The following EPHA5 variants were observed in gnomAD, a reference collection of about 807,000 sequenced individuals.
EPHA5 encodes the protein ephrin type-A receptor 5.
Under a neutral mutation model 105.0 loss-of-function variants are expected in EPHA5, and 60 were observed. The observed-to-expected ratio is 0.57, with a 90% CI of 0.46 to 0.71. The LOEUF is 0.71. Among genes scored for constraint, EPHA5 ranks in the 30% least tolerant of loss-of-function variants. EPHA5 has a pLI of 0.00. For synonymous variants in EPHA5, 513 were observed against 449.1 expected, an observed-to-expected ratio of 1.14 and a Z score of -1.80; for missense variants, 1,218 against 1,274.7, an observed-to-expected ratio of 0.96 and a Z score of 0.68.
At chr4:65,612,215 T>G (rs1035489400) in intron 2 of EPHA5, among the ~76,000 whole-genome samples, 3 of 152,084 alleles carry the variant, frequency 2.0e-5, no homozygotes, top group Admixed American at 1.3e-4. Flanking sequence ...AGTGGTGAAG[T>G]CTGGGTCTTT....
intron 8 of EPHA5, among the ~76,000 whole-genome samples, chr4:65,403,874 G>A (rs1029197892): frequency 1.5e-4 from 23 of 152,070 alleles, no homozygotes; most frequent in African/African-American, 4.8e-4. Context: ...AATAAAAGTG[G>A]TCAGTGAAAA....
chr4:65,659,905 A>G (rs1436827213), intron 1 of EPHA5, among the ~76,000 whole-genome samples: 1 of 152,098 alleles, frequency 6.6e-6, no homozygotes, highest in African/African-American at 2.4e-5. Flanking sequence ...AATAGAACAG[A>G]TGAGACATCT....
rs763587410 is a variant in EPHA5, at chr4:65,365,154, C to G, written c.2036G>C (p.Arg679Thr). The G allele has an allele frequency of 4.3e-6, 7 of 1,611,394 alleles. 1 individual carries two copies. In the South Asian group the frequency reaches 7.7e-5, roughly 18 times the overall value. The change falls in exon 11 of 17, where the codon AGA (arginine) becomes ACA (threonine). Residue 679 changes from arginine (R) to threonine (T), a missense_variant. Transcript: ENST00000613740. Reference protein sequence around the residue: ...CSGRLKLPGKRELPVAIKTLK... With the variant: ...CSGRLKLPGKTELPVAIKTLK... ...GGTTTTGATAGCCACAGGTAATTCT[C>G]TTTTTCCTGGTAGTTTCAAACGTCC...
chr4:65,506,010 C>A (rs1732980200), intron 3 of EPHA5, among the ~76,000 whole-genome samples: 1 of 152,106 alleles, frequency 6.6e-6, no homozygotes, highest in South Asian at 2.1e-4. Flanking sequence ...CTCTGCCCAC[C>A]CCATAACAGG....
chr4:65,604,236 T>C (rs1313928098), intron 2 of EPHA5, among the ~76,000 whole-genome samples: 1 of 152,144 alleles, frequency 6.6e-6, no homozygotes, highest in Non-Finnish European at 1.5e-5. Context: ...CCTTTGTCTG[T>C]ACAAAGTCCA....
At chr4:65,357,676 G>A (rs1445001842) in intron 11 of EPHA5, among the ~76,000 whole-genome samples, 1 of 151,290 alleles carries the variant, frequency 6.6e-6, no homozygotes, top group Non-Finnish European at 1.5e-5. Context: ...GTGGGAACAG[G>A]GAAGTGGAGG....
intron 3 of EPHA5, among the ~76,000 whole-genome samples, chr4:65,568,186 T>G (rs1409484163): frequency 1.3e-5 from 2 of 151,468 alleles, no homozygotes; most frequent in African/African-American, 2.4e-5. Flanking sequence ...CAAACAACTT[T>G]TAATTTTTAT....
intron 7 of EPHA5, among the ~76,000 whole-genome samples, chr4:65,409,500 T>C (rs1257727266): frequency 6.6e-6 from 1 of 152,178 alleles, no homozygotes; most frequent in East Asian, 1.9e-4. Context: ...GTCACATTTT[T>C]AACTTCACTT....
At chr4:65,532,582 A>T (rs1370936987) in intron 3 of EPHA5, among the ~76,000 whole-genome samples, 1 of 140,800 alleles carries the variant, frequency 7.1e-6, no homozygotes, top group Non-Finnish European at 1.5e-5. Flanking sequence ...TTCTTTTGAA[A>T]TCATTTATTA....
intron 5 of EPHA5, among the ~76,000 whole-genome samples, chr4:65,478,167 C>A (rs1452803054): frequency 3.9e-5 from 6 of 152,088 alleles, no homozygotes; most frequent in Admixed American, 3.9e-4. Flanking sequence ...TATAGACGGG[C>A]AGCTTTAATT....
At chr4:65,556,050 T>G (rs952584840) in intron 3 of EPHA5, among the ~76,000 whole-genome samples, 1 of 152,180 alleles carries the variant, frequency 6.6e-6, no homozygotes, top group Non-Finnish European at 1.5e-5. Flanking sequence ...GATGAATGTG[T>G]GCAGAATTCA....
intron 5 of EPHA5, among the ~76,000 whole-genome samples, chr4:65,461,411 T>C (rs1426876435): frequency 3.3e-5 from 5 of 152,020 alleles, no homozygotes; most frequent in African/African-American, 7.2e-5. Context: ...AATCTAAATA[T>C]GTAATGTTGC....
At chr4:65,403,783 A>C (rs1345093606) in intron 8 of EPHA5, among the ~76,000 whole-genome samples, 3 of 152,112 alleles carry the variant, frequency 2.0e-5, no homozygotes, top group Admixed American at 2.0e-4. Flanking sequence ...GTATCTATTT[A>C]GATAATATTT....
At chr4:65,417,097 C>A (rs1723457190) in intron 6 of EPHA5, among the ~76,000 whole-genome samples, 1 of 152,170 alleles carries the variant, frequency 6.6e-6, no homozygotes, top group South Asian at 2.1e-4. Context: ...AGCTGGCAAA[C>A]ACCCTGCCAA....
At chr4:65,476,446 G>A (rs904974832) in intron 5 of EPHA5, among the ~76,000 whole-genome samples, 1 of 151,976 alleles carries the variant, frequency 6.6e-6, no homozygotes, top group Non-Finnish European at 1.5e-5. Flanking sequence ...TATGAATGTA[G>A]GTGGAGGCCA....
intron 10 of EPHA5, 132 bp from the exon 11 acceptor site, chr4:65,365,334 AAGC>A: frequency 1.3e-6 from 1 of 748,026 alleles, no homozygotes; most frequent in South Asian, 1.9e-5. Context: ...AACAAACAAA[AAGC>A]AGTCAGAAAA....
intron 8 of EPHA5, among the ~76,000 whole-genome samples, chr4:65,376,505 A>T (rs1209008913): frequency 2.0e-5 from 3 of 152,062 alleles, no homozygotes; most frequent in Non-Finnish European, 4.4e-5. Context: ...AGCTTAATGA[A>T]ATTAGGTAAA....
chr4:65,541,767 C>T (rs1560671634), intron 3 of EPHA5, among the ~76,000 whole-genome samples: 1 of 151,838 alleles, frequency 6.6e-6, no homozygotes, highest in African/African-American at 2.4e-5. Flanking sequence ...ACAGAGCCCT[C>T]CACCCCAAAG....
intron 2 of EPHA5, among the ~76,000 whole-genome samples, chr4:65,606,723 G>C (rs1331229898): frequency 6.6e-6 from 1 of 152,082 alleles, no homozygotes; most frequent in Non-Finnish European, 1.5e-5. Flanking sequence ...TCACTCAGTA[G>C]TCTTCTTCAC....
Sources: gnomAD v4.1 joint callset for allele counts (sites outside exome capture counted in the v4.1 genomes callset) on GRCh38, gnomAD v4.1.1 for gene constraint, MANE v1.5 for transcripts, NCBI Gene and HGNC (gene_info 2026-07-23, HGNC 2026-07-21) for gene names.